SMG6: variants seen among roughly 807,000 people sequenced by gnomAD.
The protein encoded by SMG6 is telomerase-binding protein EST1A.
A neutral mutation model predicts 142.2 loss-of-function variants in SMG6; 66 were observed. The ratio of observed to expected loss-of-function variants is 0.46; its 90% CI spans 0.38 to 0.57. SMG6 has a LOEUF of 0.57. Ranked by LOEUF, SMG6 falls within the 20% of genes least tolerant of loss-of-function variation. The probability of loss-of-function intolerance (pLI) is 0.00; values close to 1 mark genes in which losing one functional copy is unlikely to be tolerated. For missense variants in SMG6, 1,793 were observed against 1,832.0 expected, an observed-to-expected ratio of 0.98 and a Z score of 0.39; for synonymous variants, 779 against 702.4, an observed-to-expected ratio of 1.11 and a Z score of -1.72.
At chr17:2,296,269 G>A (rs2075140568) in intron 4 of SMG6, among the ~76,000 whole-genome samples, 1 of 152,102 alleles carries the variant, frequency 6.6e-6, no homozygotes, top group South Asian at 2.1e-4. Flanking sequence ...TGAAGTTCTT[G>A]CACTTTCCCA....
chr17:2,082,996 C>G (rs2068465196), intron 14 of SMG6, among the ~76,000 whole-genome samples: 1 of 152,230 alleles, frequency 6.6e-6, no homozygotes, highest in South Asian at 2.1e-4. Flanking sequence ...CCATCCCTAT[C>G]TTATAAATGA....
chr17:2,107,975 T>C (rs2069199433), intron 13 of SMG6, among the ~76,000 whole-genome samples: 1 of 152,218 alleles, frequency 6.6e-6, no homozygotes, highest in Non-Finnish European at 1.5e-5. Flanking sequence ...CTTGGAATAG[T>C]GTAACTAAGC....
chr17:2,172,334 G>C (rs2071530029), intron 13 of SMG6, among the ~76,000 whole-genome samples: 1 of 152,096 alleles, frequency 6.6e-6, no homozygotes, highest in East Asian at 1.9e-4. Flanking sequence ...GGGGAGAAAG[G>C]AGGGTGCTTT....
At chr17:2,080,124 G>C (rs925537485) in intron 15 of SMG6, among the ~76,000 whole-genome samples, 11 of 131,668 alleles carry the variant, frequency 8.4e-5, no homozygotes, top group African/African-American at 3.0e-4. Flanking sequence ...CAAAACAAAA[G>C]AATGATGGAT....
rs948130910 is a variant in SMG6 at position 2,068,683 on chromosome 17, A to G, written c.3835+95T>C. ...AAATCCCATCTTACACACGCACAGC[A>G]GGGCTCTGCCTGCCTGGCCCCCAGG... On this transcript the variant is annotated intron_variant, in intron 16 of 18. Transcript: ENST00000263073. This position sits in a 1 kb window ranked among gnomAD's most constrained non-coding sequence, Gnocchi z 6.7. The G allele has an allele frequency of 1.6e-5, 21 of 1,318,166 alleles. No homozygotes were observed. In the East Asian group the frequency reaches 5.0e-4, roughly 31 times the overall value. The allele number at this position is 1,318,166 out of a possible 1,614,324, so 81.7% of individuals were successfully genotyped here.
At chr17:2,199,314 G>GATT (rs1221523515) in intron 10 of SMG6, among the ~76,000 whole-genome samples, 7 of 152,136 alleles carry the variant, frequency 4.6e-5, no homozygotes, top group African/African-American at 1.7e-4. Flanking sequence ...TGTTGCTTTG[G>GATT]ATTATCAATC....
chr17:2,144,139 A>G (rs1243761398), intron 13 of SMG6, among the ~76,000 whole-genome samples: 1 of 140,680 alleles, frequency 7.1e-6, no homozygotes, highest in East Asian at 2.3e-4. Context: ...GCTCACTGCA[A>G]TGTCCGCCTC....
At chr17:2,111,907 T>TGA (rs2069333502) in intron 13 of SMG6, among the ~76,000 whole-genome samples, 2 of 152,144 alleles carry the variant, frequency 1.3e-5, no homozygotes, top group African/African-American at 4.8e-5. Context: ...CCATCACAGA[T>TGA]GAGAGTTTTA....
intron 6 of SMG6, among the ~76,000 whole-genome samples, chr17:2,286,099 A>G (rs1167441787): frequency 1.3e-5 from 2 of 152,242 alleles, no homozygotes; most frequent in Admixed American, 6.5e-5. Flanking sequence ...AAAACTTATT[A>G]TACACAGGGT....
chr17:2,237,653 G>A, intron 9 of SMG6: 2 of 758,794 alleles, frequency 2.6e-6, no homozygotes, highest in Non-Finnish European at 1.6e-6. Flanking sequence ...TGTAACGCAG[G>A]GAGGCAGAAA....
intron 13 of SMG6, among the ~76,000 whole-genome samples, chr17:2,110,873 T>A (rs1597398989): frequency 6.6e-6 from 1 of 152,222 alleles, no homozygotes; most frequent in Admixed American, 6.5e-5. Flanking sequence ...AAGAGTGCTA[T>A]ATATGTATTT....
At chr17:2,081,542 T>A (rs995168265) in intron 15 of SMG6, among the ~76,000 whole-genome samples, 1 of 152,050 alleles carries the variant, frequency 6.6e-6, no homozygotes, top group African/African-American at 2.4e-5. Context: ...GTGGTGTGCA[T>A]TTGGAGATTC....
At chr17:2,267,526 G>A (rs1034830771) in intron 8 of SMG6, among the ~76,000 whole-genome samples, 4 of 151,856 alleles carry the variant, frequency 2.6e-5, no homozygotes, top group Non-Finnish European at 5.9e-5. Context: ...ATATCCATGA[G>A]GCCAAAAAAT....
rs889016038 is a variant in SMG6, at chr17:2,213,088, G to A, written c.2869+23404C>T. ...GTGTGCTATGAGTAATTCATAAATA[G>A]GATCCATCCCTGGGCAAACCAGGAC... On this transcript the variant is annotated intron_variant, in intron 10 of 18. Coordinates refer to ENST00000263073, the MANE Select transcript of SMG6 (RefSeq NM_017575.5). 9.2e-5 allele frequency among the ~76,000 whole-genome samples: 14 copies of A among 152,292 alleles called. No individual in the cohort carries two copies. The South Asian group carries it at 1.7e-3, about 18-fold the overall frequency.
At chr17:2,145,698 A>G (rs544315683) in intron 13 of SMG6, among the ~76,000 whole-genome samples, 2 of 150,224 alleles carry the variant, frequency 1.3e-5, no homozygotes, top group East Asian at 3.9e-4. Context: ...CAGAAGCCAC[A>G]GAGAGGATGC....
chr17:2,247,227 A>G (rs537808689), intron 8 of SMG6, among the ~76,000 whole-genome samples: 4 of 152,350 alleles, frequency 2.6e-5, no homozygotes, highest in East Asian at 1.9e-4. Context: ...TGATGAAGCA[A>G]GTGGTGAAAT....
At chr17:2,296,824 G>A (rs750352539) in intron 4 of SMG6, among the ~76,000 whole-genome samples, 5 of 151,918 alleles carry the variant, frequency 3.3e-5, no homozygotes, top group Admixed American at 6.6e-5. Flanking sequence ...TGAAACCCCC[G>A]TCTCTACAAA....
At chr17:2,267,074 T>G (rs1210480264) in intron 8 of SMG6, among the ~76,000 whole-genome samples, 2 of 152,186 alleles carry the variant, frequency 1.3e-5, no homozygotes, top group African/African-American at 4.8e-5. Flanking sequence ...ACTTTTCAAA[T>G]AGCTTCCAGA....
chr17:2,069,322 A>G (rs1276850840), intron 15 of SMG6, among the ~76,000 whole-genome samples: 1 of 152,192 alleles, frequency 6.6e-6, no homozygotes, highest in African/African-American at 2.4e-5. Context: ...CAATCTAGAC[A>G]TGAAAATGCA....
Sources: allele counts gnomAD v4.1 joint callset (sites outside exome capture counted in the v4.1 genomes callset), GRCh38; gene constraint gnomAD v4.1.1; non-coding constraint Gnocchi (gnomAD v3.1); transcripts MANE v1.5; gene names NCBI Gene and HGNC (gene_info 2026-07-23, HGNC 2026-07-21).